Variants in PAX2 observed in about 807,000 individuals in gnomAD.
The protein encoded by PAX2 is paired box protein Pax-2.
In PAX2, 9 loss-of-function variants were observed where a neutral mutation model predicts 41.7. That is an observed-to-expected ratio of 0.22 (90% CI 0.13 to 0.38). PAX2 has a LOEUF of 0.38. PAX2 is among the 10% of genes least tolerant of loss of function. The pLI is 1.00. For missense variants in PAX2, 418 were observed against 531.6 expected (o/e 0.79, Z 2.10); for synonymous variants, 221 against 212.7 (o/e 1.04, Z -0.34).
At chr10:100,747,840 G>A in intron 1 of PAX2, 1 of 985,048 alleles carries the variant, frequency 1.0e-6, no homozygotes, top group South Asian at 4.7e-5. Flanking sequence ...TTTTCGCCCA[G>A]CCAGCCTGCC....
At chr10:100,811,908 G>A (rs888755109) in intron 7 of PAX2, among the ~76,000 whole-genome samples, 2 of 152,354 alleles carry the variant, frequency 1.3e-5, no homozygotes, top group South Asian at 2.1e-4. Flanking sequence ...ATGAGGGAAT[G>A]CCCTAGCCCA....
upstream of PAX2, among the ~76,000 whole-genome samples, chr10:100,743,991 A>G (rs898263310): frequency 4.6e-5 from 7 of 152,244 alleles, no homozygotes; most frequent in Non-Finnish European, 1.0e-4. Flanking sequence ...CCAGGATCCC[A>G]GCGGACCCAG....
At chr10:100,790,089 A>G (rs1847041673) in intron 5 of PAX2, among the ~76,000 whole-genome samples, 2 of 152,206 alleles carry the variant, frequency 1.3e-5, no homozygotes, top group African/African-American at 2.4e-5. Flanking sequence ...TTGCTTCCCA[A>G]CTAGTTAATG....
At chr10:100,783,277 T>C (rs1424170861) in intron 5 of PAX2, among the ~76,000 whole-genome samples, 3 of 152,252 alleles carry the variant, frequency 2.0e-5, no homozygotes, top group Non-Finnish European at 4.4e-5. Flanking sequence ...ATATGATTCT[T>C]GTCCTTAAGG....
chr10:100,744,172 C>T (rs1488735317), upstream of PAX2, among the ~76,000 whole-genome samples: 1 of 152,176 alleles, frequency 6.6e-6, no homozygotes, highest in Non-Finnish European at 1.5e-5. Context: ...AGGCTCCGGC[C>T]AGAGGGAGGG....
intron 6 of PAX2, 80 bp downstream of exon 6, chr10:100,806,685 C>A: frequency 2.5e-6 from 3 of 1,180,482 alleles, no homozygotes; most frequent in Non-Finnish European, 3.8e-6. Context: ...TCACTAAACA[C>A]CACATGCATA....
At chr10:100,780,472 C>G (rs1189512153) in intron 4 of PAX2, among the ~76,000 whole-genome samples, 1 of 152,128 alleles carries the variant, frequency 6.6e-6, no homozygotes, top group East Asian at 1.9e-4. Flanking sequence ...ATAGAAATGA[C>G]TAGTTCCAGC....
chr10:100,754,285 A>G (rs1281094583), intron 3 of PAX2, among the ~76,000 whole-genome samples: 1 of 152,246 alleles, frequency 6.6e-6, no homozygotes, highest in Non-Finnish European at 1.5e-5. Context: ...AAGAACAGGC[A>G]CAGACCCCAA....
chr10:100,770,431 C>T (rs1419038246), intron 3 of PAX2, among the ~76,000 whole-genome samples: 2 of 152,188 alleles, frequency 1.3e-5, no homozygotes, highest in Non-Finnish European at 2.9e-5. Flanking sequence ...CTGTCACGCT[C>T]TGGGCTTGGC....
chr10:100,765,802 CAT>C (rs377717798), intron 3 of PAX2, among the ~76,000 whole-genome samples: 6 of 148,620 alleles, frequency 4.0e-5, no homozygotes, highest in East Asian at 3.9e-4. Flanking sequence ...CACACACACA[CAT>C]ACACCTCTTA....
At chr10:100,790,906 A>C (rs903009920) in intron 5 of PAX2, among the ~76,000 whole-genome samples, 1 of 152,168 alleles carries the variant, frequency 6.6e-6, no homozygotes, top group East Asian at 1.9e-4. Context: ...TGCGAGACAG[A>C]TCACGAGCCT....
intron 8 of PAX2, among the ~76,000 whole-genome samples, chr10:100,825,547 C>G (rs1848521734): frequency 6.6e-6 from 1 of 152,188 alleles, no homozygotes; most frequent in African/African-American, 2.4e-5. Context: ...TTCCTATGTG[C>G]ACAAACACCA....
At chr10:100,776,626 C>T (rs1846397015) in intron 3 of PAX2, among the ~76,000 whole-genome samples, 1 of 152,152 alleles carries the variant, frequency 6.6e-6, no homozygotes, top group African/African-American at 2.4e-5. Context: ...AAATCCATAC[C>T]TCTGTGTGCC....
chr10:100,752,696 T>G (rs1178283951), intron 3 of PAX2, among the ~76,000 whole-genome samples: 1 of 152,162 alleles, frequency 6.6e-6, no homozygotes, highest in Non-Finnish European at 1.5e-5. Flanking sequence ...TTTAGGTAAT[T>G]TGTTTCTCTT....
intron 5 of PAX2, among the ~76,000 whole-genome samples, chr10:100,800,331 T>A (rs1589871847): frequency 1.4e-5 from 2 of 145,478 alleles, no homozygotes; most frequent in South Asian, 4.3e-4. Context: ...CCAGGCTGAA[T>A]GCAGTGGCAC....
intron 3 of PAX2, among the ~76,000 whole-genome samples, chr10:100,758,944 T>A (rs1256178078): frequency 6.6e-6 from 1 of 150,496 alleles, no homozygotes; most frequent in Non-Finnish European, 1.5e-5. Context: ...GGAGGAGAGG[T>A]GGGGTGTGGG....
chr10:100,804,271 T>TACACACACACAAACACAC (rs1847677902), intron 5 of PAX2, among the ~76,000 whole-genome samples: 1 of 147,766 alleles, frequency 6.8e-6, no homozygotes, highest in East Asian at 2.0e-4. Context: ...GTTCAGCCCC[T>TACACACACACAAACACAC]ACACACACAC....
rs61572589 is a variant in PAX2 at position 100,824,353 on chromosome 10, TACACACACAC to T, written c.920-261_920-252del. ...GCACAGAGACACAGGCAAAGGCAGA[TACACACACAC>T]ACACACACACACACACACACACACA... On this transcript the variant is annotated intron_variant, in intron 7 of 9. Transcript: ENST00000355243. The surrounding 1 kb of genome is among the most constrained non-coding windows in gnomAD (Gnocchi z 6.6). 6.4e-3 allele frequency among the ~76,000 whole-genome samples: 861 copies of T among 135,562 alleles called. 3 individuals carry two copies. Among genetic ancestry groups the T allele is most frequent in the African/African-American group, 0.01 (368 of 36,754 alleles). 88.9% of individuals were successfully genotyped at this position (135,562 alleles called of 152,430 possible). A position where few individuals can be genotyped will look rare whatever the true frequency, so the allele number is the denominator to read the frequency against.
At position 100,791,094 on chromosome 10, in the gene PAX2, G is replaced by T. The variant is rs964701207; in HGVS notation, c.616+9729G>T. Among the ~76,000 whole-genome samples the T allele has an allele frequency of 5.3e-5, 8 of 152,318 alleles. No homozygotes were observed. The highest frequency in any genetic ancestry group is 1.9e-4 in the African/African-American group (8 of 41,580). On this transcript the variant is annotated intron_variant, in intron 5 of 9. Coordinates refer to ENST00000355243, the MANE Select transcript of PAX2 (RefSeq NM_000278.5). The surrounding 1 kb of genome is among the most constrained non-coding windows in gnomAD (Gnocchi z 4.5). ...TCCCTCCCATTCTTGGAGCCCTGTG[G>T]CCCATCCTCCAGGTGGCTCCTAATT...
Sources: allele counts gnomAD v4.1 joint callset (sites outside exome capture counted in the v4.1 genomes callset), GRCh38; gene constraint gnomAD v4.1.1; non-coding constraint Gnocchi (gnomAD v3.1); transcripts MANE v1.5; gene names NCBI Gene and HGNC (gene_info 2026-07-23, HGNC 2026-07-21).